Variants in CRISP2 observed in about 807,000 individuals in gnomAD.
CRISP2 encodes cysteine-rich secretory protein 2.
Under a neutral mutation model 31.7 loss-of-function variants are expected in CRISP2, and 29 were observed. The observed-to-expected ratio is 0.92, with a 90% confidence interval of 0.68 to 1.25. CRISP2 has a LOEUF of 1.25. CRISP2 is among the 50% of genes most tolerant of loss of function. CRISP2 has a pLI of 0.00. For missense variants in CRISP2, 318 were observed against 286.5 expected, an observed-to-expected ratio of 1.11 and a Z score of -0.79; for synonymous variants, 111 against 101.4, an observed-to-expected ratio of 1.09 and a Z score of -0.57.
downstream of CRISP2, among the ~76,000 whole-genome samples, chr6:49,691,257 T>A (rs542691743): frequency 1.3e-5 from 2 of 152,168 alleles, no homozygotes; most frequent in African/African-American, 4.8e-5. Context: ...GCTCTTGCAG[T>A]TACAAATATA....
intron 4 of CRISP2, among the ~76,000 whole-genome samples, chr6:49,703,032 G>A (rs566277714): frequency 5.9e-5 from 9 of 151,970 alleles, no homozygotes; most frequent in African/African-American, 1.2e-4. Context: ...ATTCTTCTAC[G>A]TGGATCTTGC....
intron 1 of CRISP2, among the ~76,000 whole-genome samples, 194 bp from the exon 2 acceptor site, chr6:49,712,798 G>C (rs1216537071): frequency 6.6e-6 from 1 of 152,140 alleles, no homozygotes; most frequent in Admixed American, 6.5e-5. Context: ...TCAACGCCCT[G>C]ATATTTCCTT....
chr6:49,701,902 T>C (rs866075907), intron 4 of CRISP2, among the ~76,000 whole-genome samples: 1 of 59,430 alleles, frequency 1.7e-5, no homozygotes. Context: ...TTATTATATA[T>C]TATGTATTAT....
At chr6:49,708,770 T>C (rs1023697314) in intron 4 of CRISP2, among the ~76,000 whole-genome samples, 2 of 152,230 alleles carry the variant, frequency 1.3e-5, no homozygotes, top group African/African-American at 4.8e-5. Context: ...TAATGGAATA[T>C]CCAAAATATT....
the CRISP2 span, among the ~76,000 whole-genome samples, chr6:49,684,048 G>T: frequency 6.6e-6 from 1 of 151,918 alleles, no homozygotes. Context: ...TTGGCTGATT[G>T]TATCTGGGCA....
rs1345120289 is a variant in CRISP2 at position 49,692,602 on chromosome 6, A to G, written c.*171T>C. On this transcript the variant is annotated 3_prime_UTR_variant, in exon 10 of 10. Coordinates refer to ENST00000339139, the MANE Select transcript of CRISP2 (RefSeq NM_003296.4). ...CACAGTTGTCATCATCTACTATGCT[A>G]CTTTTGTAAATCATTGCCTGAAAGT... 3 of 576,918 alleles carry G rather than the reference A, an allele frequency of 5.2e-6. No homozygotes were observed. In the East Asian group the frequency reaches 8.6e-5, roughly 17 times the overall value. 35.7% of individuals were successfully genotyped at this position (576,918 alleles called of 1,614,324 possible).
In CRISP2 at chr6:49,692,804, G is replaced by A. The variant is rs767404432; in HGVS notation, c.701C>T (p.Ala234Val). Residue 234 changes from alanine (A) to valine (V), a missense_variant, in exon 10 of 10, where the codon GCT (alanine) becomes GTT (valine). Coordinates refer to ENST00000339139, the MANE Select transcript of CRISP2 (RefSeq NM_003296.4). ...EHELLKEKCK[A>V]TCLCENKIY Reference sequence around the variant, plus strand: ...AATTTTGTTCTCACATAGGCAAGTAGCCTTGCACTTTTCCTTGAGTAACTC... The same window carrying A: ...AATTTTGTTCTCACATAGGCAAGTAACCTTGCACTTTTCCTTGAGTAACTC... 1.9e-6 allele frequency: 3 copies of A among 1,613,478 alleles called. No homozygotes were observed. The highest frequency in any genetic ancestry group is 2.5e-6 in the Non-Finnish European group (3 of 1,179,444).
intron 4 of CRISP2, among the ~76,000 whole-genome samples, chr6:49,708,369 T>C (rs1767426132): frequency 6.6e-6 from 1 of 152,220 alleles, no homozygotes; most frequent in South Asian, 2.1e-4. Flanking sequence ...AAACTGTGAA[T>C]GTGTTCTTAT....
chr6:49,684,840 A>G, the CRISP2 span, among the ~76,000 whole-genome samples: 3 of 152,142 alleles, frequency 2.0e-5, no homozygotes, highest in Non-Finnish European at 4.4e-5. Context: ...TCTACCTACT[A>G]TTGAAAGGGA....
At chr6:49,676,732 C>T in the CRISP2 span, among the ~76,000 whole-genome samples, 1 of 151,972 alleles carries the variant, frequency 6.6e-6, no homozygotes, top group Non-Finnish European at 1.5e-5. Flanking sequence ...CAAATTTGCT[C>T]CATGAAGGGG....
chr6:49,692,839 G>T lies in CRISP2; in HGVS notation c.666C>A (p.Gly222=). 1 of 1,613,748 alleles carries T rather than the reference G, an allele frequency of 6.2e-7. No individual in the cohort carries two copies. Among genetic ancestry groups the T allele is most frequent in the East Asian group, 2.2e-5 (1 of 44,858 alleles). Residue 222 remains glycine (G), a synonymous_variant, in exon 10 of 10, where the codon GGC becomes GGA. Transcript: ENST00000339139. ...TTTCCTTGAGTAACTCATGTTCACA[G>T]CCAGCTGTATTCTTCAAGGAATCAC... is the stretch of plus-strand genomic sequence containing the variant. ...SNCDSLKNTA[G]CEHELLKEKC... is the part of the protein sequence containing the mutation.
At chr6:49,708,611 T>C (rs1234420609) in intron 4 of CRISP2, among the ~76,000 whole-genome samples, 1 of 152,190 alleles carries the variant, frequency 6.6e-6, no homozygotes, top group Non-Finnish European at 1.5e-5. Flanking sequence ...CAGGTCCCTC[T>C]TAGATCCTCC....
At chr6:49,702,152 T>C (rs1471908971) in intron 4 of CRISP2, among the ~76,000 whole-genome samples, 1 of 51,716 alleles carries the variant, frequency 1.9e-5, no homozygotes, top group African/African-American at 9.4e-5. Flanking sequence ...TATATATATA[T>C]ATATATATAT....
the CRISP2 span, among the ~76,000 whole-genome samples, chr6:49,677,390 G>C: frequency 6.6e-6 from 1 of 152,094 alleles, no homozygotes; most frequent in Non-Finnish European, 1.5e-5. Flanking sequence ...AAACTTTTAT[G>C]ATTCCTTGTA....
chr6:49,701,019 C>T (rs1379104567), intron 4 of CRISP2, among the ~76,000 whole-genome samples: 1 of 151,876 alleles, frequency 6.6e-6, no homozygotes, highest in Non-Finnish European at 1.5e-5. Context: ...TAGACTGAAA[C>T]ATTTAAATAG....
Position 49,700,797 on chromosome 6 carries a change from A to G in CRISP2, c.67-13T>C, listed in dbSNP as rs1304275195. 4 of 1,469,680 alleles carry G rather than the reference A, an allele frequency of 2.7e-6. No individual in the cohort carries two copies. The African/African-American group carries it at 5.6e-5, about 20-fold the overall frequency. 91.0% of individuals were successfully genotyped at this position (1,469,680 alleles called of 1,614,324 possible). On this transcript the variant is annotated splice_polypyrimidine_tract_variant and intron_variant, in intron 4 of 9. Transcript: ENST00000339139. ...TAAAAGCGGGATCCTAAAAGAAAAT[A>G]AAATTGGAATTATTATTTAACAATA... is the stretch of plus-strand genomic sequence containing the variant.
intron 9 of CRISP2, among the ~76,000 whole-genome samples, chr6:49,694,431 G>A (rs1472244288): frequency 1.3e-5 from 2 of 152,234 alleles, no homozygotes; most frequent in Non-Finnish European, 2.9e-5. Context: ...GGGTCTAGAG[G>A]CCCACCAATC....
At chr6:49,711,913 C>T (rs777711966) in intron 2 of CRISP2, among the ~76,000 whole-genome samples, 3 of 152,100 alleles carry the variant, frequency 2.0e-5, no homozygotes, top group Non-Finnish European at 4.4e-5. Flanking sequence ...GCACATAATA[C>T]AAATAAACGG....
intron 8 of CRISP2, among the ~76,000 whole-genome samples, chr6:49,696,847 G>T (rs1764846471): frequency 6.6e-6 from 1 of 152,068 alleles, no homozygotes; most frequent in Non-Finnish European, 1.5e-5. Context: ...TTGTGAAACA[G>T]ATATAAAAGG....
Sources: allele counts gnomAD v4.1 joint callset (sites outside exome capture counted in the v4.1 genomes callset), GRCh38; gene constraint gnomAD v4.1.1; transcripts MANE v1.5; gene names NCBI Gene and HGNC (gene_info 2026-07-23, HGNC 2026-07-21).